AGBL1: variants seen among roughly 807,000 people sequenced by gnomAD.
AGBL1 encodes the protein AGBL carboxypeptidase 1, also known as cytosolic carboxypeptidase 4.
Under a neutral mutation model 118.9 loss-of-function variants are expected in AGBL1, and 130 were observed. The observed-to-expected ratio is 1.09, with a 90% confidence interval of 0.95 to 1.26. The LOEUF is 1.26. Among genes scored for constraint, AGBL1 ranks in the 50% most tolerant of loss-of-function variants. AGBL1 has a pLI of 0.00. For synonymous variants in AGBL1, 555 were observed against 478.9 expected (o/e 1.16, Z -2.08); for missense variants, 1,584 against 1,298.1 (o/e 1.22, Z -3.38).
chr15:86,554,283 T>G (rs2083701948), intron 20 of AGBL1, 78 bp from the exon 21 acceptor site: 2 of 1,232,370 alleles, frequency 1.6e-6, no homozygotes, highest in South Asian at 3.0e-5. Flanking sequence ...TGCTTAACAA[T>G]GTTGAGAAGC....
intron 21 of AGBL1, among the ~76,000 whole-genome samples, chr15:86,563,259 C>A (rs1416710991): frequency 6.6e-6 from 1 of 151,986 alleles, no homozygotes; most frequent in East Asian, 1.9e-4. Flanking sequence ...TAGATCTTTC[C>A]TGCTTTCTCT....
At chr15:86,179,640 G>GA (rs141819760) in intron 5 of AGBL1, among the ~76,000 whole-genome samples, 1 of 151,578 alleles carries the variant, frequency 6.6e-6, no homozygotes, top group Non-Finnish European at 1.5e-5. Context: ...AGTAAGATCA[G>GA]AAAAAAAACT....
At chr15:86,379,191 G>A (rs2081079713) in intron 17 of AGBL1, among the ~76,000 whole-genome samples, 1 of 152,084 alleles carries the variant, frequency 6.6e-6, no homozygotes. Context: ...AGGATTACCA[G>A]CATGAGCCAC....
intron 17 of AGBL1, among the ~76,000 whole-genome samples, chr15:86,381,564 G>A (rs1199000466): frequency 6.6e-6 from 1 of 152,114 alleles, no homozygotes; most frequent in African/African-American, 2.4e-5. Flanking sequence ...GAAGTACAAG[G>A]CAGGATAGAC....
intron 4 of AGBL1, among the ~76,000 whole-genome samples, chr15:86,158,296 G>T (rs898255542): frequency 1.3e-5 from 2 of 152,198 alleles, no homozygotes; most frequent in African/African-American, 4.8e-5. Flanking sequence ...GAGCAATTCA[G>T]TATCATCCAC....
At chr15:86,298,065 G>C (rs2079674768) in intron 17 of AGBL1, among the ~76,000 whole-genome samples, 1 of 151,376 alleles carries the variant, frequency 6.6e-6, no homozygotes, top group South Asian at 2.1e-4. Flanking sequence ...CATTTTCATG[G>C]TGAATGCTTC....
intron 21 of AGBL1, among the ~76,000 whole-genome samples, chr15:86,605,077 G>C: frequency 6.6e-6 from 1 of 152,144 alleles, no homozygotes; most frequent in African/African-American, 2.4e-5. Flanking sequence ...TTACAGGCGT[G>C]AGCCACCGCG....
At chr15:86,413,590 A>G (rs1447190374) in intron 18 of AGBL1, among the ~76,000 whole-genome samples, 1 of 152,030 alleles carries the variant, frequency 6.6e-6, no homozygotes, top group African/African-American at 2.4e-5. Context: ...ATATTATCTC[A>G]TGGTGGTTTT....
intron 22 of AGBL1, among the ~76,000 whole-genome samples, chr15:86,886,020 G>T (rs779040582): frequency 6.6e-6 from 1 of 152,182 alleles, no homozygotes; most frequent in Non-Finnish European, 1.5e-5. Context: ...ACAAAATAGA[G>T]TCTTTAAATA....
chr15:86,633,542 A>G (rs117792974), intron 21 of AGBL1, among the ~76,000 whole-genome samples: 1,586 of 152,108 alleles, frequency 0.01, 12 homozygotes, highest in Non-Finnish European at 0.017. Flanking sequence ...GAATATTAGA[A>G]TCTTTGCTCC....
intron 17 of AGBL1, among the ~76,000 whole-genome samples, chr15:86,361,729 A>G (rs1175860293): frequency 6.6e-6 from 1 of 151,970 alleles, no homozygotes; most frequent in Non-Finnish European, 1.5e-5. Context: ...TATTTTTTGT[A>G]TTAGTCTACT....
At chr15:86,868,549 G>A (rs1449015977) in intron 22 of AGBL1, among the ~76,000 whole-genome samples, 4 of 152,194 alleles carry the variant, frequency 2.6e-5, no homozygotes, top group South Asian at 2.1e-4. Context: ...AAGTACTTTC[G>A]AATCTAGTGG....
At chr15:86,354,117 G>A (rs1468821960) in intron 17 of AGBL1, among the ~76,000 whole-genome samples, 1 of 152,186 alleles carries the variant, frequency 6.6e-6, no homozygotes, top group Non-Finnish European at 1.5e-5. Flanking sequence ...TTGAGCATGG[G>A]TATTCCCACA....
At chr15:86,602,134 A>T (rs4387569) in intron 21 of AGBL1, among the ~76,000 whole-genome samples, 50,660 of 151,420 alleles carry the variant, frequency 0.33, 10,378 homozygotes, top group Middle Eastern at 0.46. Flanking sequence ...TTTCTTTAAA[A>T]TATCACGACA....
At chr15:86,988,579 T>C (rs1321426854) in intron 24 of AGBL1, among the ~76,000 whole-genome samples, 1 of 152,186 alleles carries the variant, frequency 6.6e-6, no homozygotes, top group Non-Finnish European at 1.5e-5. Context: ...ATTTTACCTT[T>C]CTTAATGCTA....
At chr15:86,422,624 A>T (rs1387644251) in intron 18 of AGBL1, among the ~76,000 whole-genome samples, 1 of 152,168 alleles carries the variant, frequency 6.6e-6, no homozygotes, top group Non-Finnish European at 1.5e-5. Context: ...AGACATGAAA[A>T]ACCCTTCAAA....
At chr15:86,745,774 C>A (rs1339802828) in intron 22 of AGBL1, among the ~76,000 whole-genome samples, 1 of 152,024 alleles carries the variant, frequency 6.6e-6, no homozygotes, top group South Asian at 2.1e-4. Flanking sequence ...TATTTGGTGG[C>A]AGTTAAAACA....
At chr15:86,770,226 C>G (rs1190674125) in intron 22 of AGBL1, among the ~76,000 whole-genome samples, 1 of 151,954 alleles carries the variant, frequency 6.6e-6, no homozygotes, top group East Asian at 1.9e-4. Context: ...ATGAATAAGA[C>G]TGGGTCCTGC....
chr15:86,728,693 G>T (rs1044796807), intron 22 of AGBL1, among the ~76,000 whole-genome samples: 3 of 152,178 alleles, frequency 2.0e-5, no homozygotes, highest in African/African-American at 7.2e-5. Context: ...ACTACTGAGG[G>T]TTTTTCTTTT....
Sources: gnomAD v4.1 joint callset for allele counts (sites outside exome capture counted in the v4.1 genomes callset) on GRCh38, gnomAD v4.1.1 for gene constraint, MANE v1.5 for transcripts, NCBI Gene and HGNC (gene_info 2026-07-23, HGNC 2026-07-21) for gene names.